Variants in EVPL observed in about 807,000 individuals in gnomAD.
The protein encoded by EVPL is 210 kDa cornified envelope precursor protein.
In EVPL, 94 loss-of-function variants were observed where a neutral mutation model predicts 129.7. The observed-to-expected ratio is 0.72, with a 90% CI of 0.61 to 0.86. The LOEUF (loss-of-function observed/expected upper bound fraction) is 0.86, where lower values mean the gene tolerates loss of function less well. Ranked by LOEUF, EVPL falls within the 40% of genes least tolerant of loss-of-function variation. EVPL has a pLI of 0.00. For missense variants in EVPL, 2,625 were observed against 2,721.1 expected (o/e 0.96, Z 0.79); for synonymous variants, 1,172 against 1,191.1 (o/e 0.98, Z 0.33).
chr17:76,012,496 T>G (rs1389636473), intron 18 of EVPL, among the ~76,000 whole-genome samples: 1 of 152,140 alleles, frequency 6.6e-6, no homozygotes, highest in Non-Finnish European at 1.5e-5. Flanking sequence ...GGTTTCGCCA[T>G]GTTGGCAAGG....
Position 76,022,597 on chromosome 17 carries a change from C to G in EVPL, c.481-59G>C. 1 of 1,536,438 alleles carries G rather than the reference C, an allele frequency of 6.5e-7. No individual in the cohort carries two copies. The highest frequency in any genetic ancestry group is 2.0e-5 in the Admixed American group (1 of 50,028). On this transcript the variant is annotated intron_variant, in intron 4 of 21. Coordinates refer to ENST00000301607, the MANE Select transcript of EVPL (RefSeq NM_001988.4). This position sits in a 1 kb window ranked among gnomAD's most constrained non-coding sequence, Gnocchi z 5.6. ...ACCGCGGTGGGGAGCCAGAGAACCC[C>G]ACACGCCTCCCACCCGGAGAAGTGG... is the stretch of plus-strand genomic sequence containing the variant.
At chr17:76,012,143 T>C in intron 18 of EVPL, 54 bp from the exon 19 acceptor site, 2 of 1,412,484 alleles carry the variant, frequency 1.4e-6, no homozygotes, top group Admixed American at 3.8e-5. Flanking sequence ...TCACCCTGAC[T>C]CTCCTCTAGC....
rs1248308602 is a variant in EVPL, at chr17:76,013,160, T to A, written c.2374-1071A>T. 6.6e-6 allele frequency among the ~76,000 whole-genome samples: 1 copy of A among 152,208 alleles called. No individual in the cohort carries two copies. Among genetic ancestry groups the A allele is most frequent in the Non-Finnish European group, 1.5e-5 (1 of 68,036 alleles). ...GCCCACTTTTATTCACCTGGGAACTTAATATACTGATGCTCTGACCACAAT... is the reference window on the plus strand; with the variant it reads ...GCCCACTTTTATTCACCTGGGAACTAAATATACTGATGCTCTGACCACAAT... On this transcript the variant is annotated intron_variant, in intron 18 of 21. Coordinates refer to ENST00000301607, the MANE Select transcript of EVPL (RefSeq NM_001988.4). This position sits in a 1 kb window ranked among gnomAD's most constrained non-coding sequence, Gnocchi z 4.3.
chr17:76,012,461 A>ATTTTTTTTTTTTTTTTTTTTTTTTTT (rs1567909873), intron 18 of EVPL, among the ~76,000 whole-genome samples: 2 of 152,070 alleles, frequency 1.3e-5, no homozygotes, highest in African/African-American at 4.8e-5. Context: ...TGCCAGGCTA[A>ATTTTTTTTTTTTTTTTTTTTTTTTTT]TTTTTATATT....
chr17:76,009,515 C>T lies in EVPL; in HGVS notation c.3690G>A (p.Glu1230=), dbSNP rs2066356414. Reference sequence around the variant, plus strand: ...CCAGGTCGGGCAGCAGCTTCTCCACCTCCTTCTCCACACCGCTCCTCTTGC... The same window carrying T: ...CCAGGTCGGGCAGCAGCTTCTCCACTTCCTTCTCCACACCGCTCCTCTTGC... ...MAGKRSGVEK[E]VEKLLPDLEV... The change falls in exon 22 of 22, where the codon GAG becomes GAA. Residue 1230 remains glutamate, a synonymous_variant. Coordinates refer to ENST00000301607, the MANE Select transcript of EVPL (RefSeq NM_001988.4). The surrounding 1 kb of genome is among the most constrained non-coding windows in gnomAD (Gnocchi z 5.9). 3 of 1,614,102 alleles carry T rather than the reference C, an allele frequency of 1.9e-6. No individual in the cohort carries two copies. The highest frequency in any genetic ancestry group is 4.5e-5 in the East Asian group (2 of 44,874).
rs748360819 is a variant in EVPL, at chr17:76,021,656, C to T, written c.915+18G>A. On this transcript the variant is annotated intron_variant, in intron 8 of 21. Coordinates refer to ENST00000301607, the MANE Select transcript of EVPL (RefSeq NM_001988.4). ...CGCCCACCACGTCCCTTCTCACTCT[C>T]GCCCTGCCCCAGCGCACCTGGATGG... 6 of 1,545,354 alleles carry T rather than the reference C, an allele frequency of 3.9e-6. No homozygotes were observed. In the East Asian group the frequency reaches 1.4e-4, roughly 37 times the overall value.
intron 14 of EVPL, among the ~76,000 whole-genome samples, chr17:76,016,841 G>T (rs1394624498): frequency 6.6e-6 from 1 of 152,072 alleles, no homozygotes; most frequent in African/African-American, 2.4e-5. Context: ...GGGAGGTGGA[G>T]GTTGCAGTGA....
At position 76,012,006 on chromosome 17, in the gene EVPL, C is replaced by G. The variant is rs1196480889; in HGVS notation, c.2457G>C (p.Gln819His). The change falls in exon 19 of 22, where the codon CAG becomes CAC. Residue 819 changes from glutamine to histidine, a missense_variant and splice_region_variant. Gln to His is a conservative substitution (Grantham distance 24, BLOSUM62 0). This residue lies in a region of EVPL where 1,024 missense variants were observed against 997.5 expected (regional missense o/e 1.03). Transcript: ENST00000301607. ...HLSQALQAAL[Q>H]DYELQADTYR... is the part of the protein sequence containing the mutation. Reference sequence around the variant, plus strand: ...GGCAAGCTGAAGGCAAGCTGCTTACCTGGAGCGCTGCCTGCAGGGCCTGGG... The same window carrying G: ...GGCAAGCTGAAGGCAAGCTGCTTACGTGGAGCGCTGCCTGCAGGGCCTGGG... 2 of 1,612,692 alleles carry G rather than the reference C, an allele frequency of 1.2e-6. No homozygotes were observed. Among genetic ancestry groups the G allele is most frequent in the Non-Finnish European group, 8.5e-7 (1 of 1,179,470 alleles).
rs777530307 is a variant in EVPL, at chr17:76,011,828, C to G, written c.2512G>C (p.Val838Leu). 1 of 1,613,158 alleles carries G rather than the reference C, an allele frequency of 6.2e-7. No homozygotes were observed. Among genetic ancestry groups the G allele is most frequent in the Non-Finnish European group, 8.5e-7 (1 of 1,179,724 alleles). ...ACTCGGGGTCTCTTGGGGGCTGACACTGCCAGGGTGGGCTCCAAAGAGCAG... is the reference window on the plus strand; with the variant it reads ...ACTCGGGGTCTCTTGGGGGCTGACAGTGCCAGGGTGGGCTCCAAAGAGCAG... ...YRCSLEPTLA[V>L]SAPKRPRVAP... Residue 838 changes from valine to leucine, a missense_variant, in exon 20 of 22, where the codon GTG (valine) becomes CTG (leucine). By Grantham distance (32) the Val-to-Leu change is conservative. This residue lies in a region of EVPL where 1,024 missense variants were observed against 997.5 expected (regional missense o/e 1.03). Transcript: ENST00000301607.
chr17:76,008,573 G>C lies in EVPL; in HGVS notation c.4632C>G (p.Asn1544Lys), dbSNP rs753917041. The change falls in exon 22 of 22, where the codon AAC becomes AAG. Residue 1544 changes from asparagine to lysine, a missense_variant. This residue lies in a region of EVPL where 1,453 missense variants were observed against 1,511.8 expected (regional missense o/e 0.96). Transcript: ENST00000301607. The surrounding 1 kb of genome is among the most constrained non-coding windows in gnomAD (Gnocchi z 7.4). ...GGGCCTGCCGGGCCGTGCGCTCCCT[G>C]TTGAGCATCTCCCACACGCGGGCCC... ...DERARVWEMLNRERTARQARE... is the reference protein window; with the variant it reads ...DERARVWEMLKRERTARQARE... The C allele has an allele frequency of 1.2e-6, 2 of 1,610,616 alleles. No homozygotes were observed. Among genetic ancestry groups the C allele is most frequent in the Admixed American group, 3.3e-5 (2 of 60,030 alleles).
At chr17:76,014,828 C>G in intron 17 of EVPL, 88 bp downstream of exon 17, 1 of 1,359,708 alleles carries the variant, frequency 7.4e-7, no homozygotes, top group Non-Finnish European at 9.9e-7. Flanking sequence ...GACGTGAAGT[C>G]ACTAGCCCAG....
At position 76,011,854 on chromosome 17, in the gene EVPL, C is replaced by T. The variant is rs139153330; in HGVS notation, c.2486G>A (p.Arg829His). 329 of 1,613,388 alleles carry T rather than the reference C, an allele frequency of 2.0e-4. No individual in the cohort carries two copies. In the African/African-American group the frequency reaches 3.5e-3, roughly 17 times the overall value. ...QDYELQADTY[R>H]CSLEPTLAVS... is the part of the protein sequence containing the mutation. ...TGCCAGGGTGGGCTCCAAAGAGCAG[C>T]GGTAGGTGTCTGCCTGGAGCTCATA... is the stretch of plus-strand genomic sequence containing the variant. The change falls in exon 20 of 22, where the codon CGC (arginine) becomes CAC (histidine). Residue 829 changes from arginine to histidine, a missense_variant. Physicochemically the swap from Arg to His is conservative, Grantham distance 29. Coordinates refer to ENST00000301607, the MANE Select transcript of EVPL (RefSeq NM_001988.4).
chr17:76,008,830 T>A lies in EVPL; in HGVS notation c.4375A>T (p.Lys1459Ter), dbSNP rs770036148. Residue 1459 changes from lysine (K) to a stop codon, truncating the protein, a stop_gained, in exon 22 of 22, where the codon AAG becomes TAG. Coordinates refer to ENST00000301607, the MANE Select transcript of EVPL (RefSeq NM_001988.4). LOFTEE classifies it low-confidence loss of function (END_TRUNC). The surrounding 1 kb of genome is among the most constrained non-coding windows in gnomAD (Gnocchi z 7.4). ...LEKRPPTVQE[K>*]IIMEEVVKLE... ...TTGACCACTTCCTCCATGATGATCT[T>A]CTCCTGCACCGTGGGAGGCCGCTTC... is the stretch of plus-strand genomic sequence containing the variant. 6.2e-7 allele frequency: 1 copy of A among 1,613,862 alleles called. No individual in the cohort carries two copies.
In EVPL at chr17:76,008,018, C is replaced by T. The variant is rs763230833; in HGVS notation, c.5187G>A (p.Ser1729=). 7.4e-6 allele frequency: 12 copies of T among 1,613,982 alleles called. No individual in the cohort carries two copies. Among genetic ancestry groups the T allele is most frequent in the East Asian group, 2.2e-5 (1 of 44,886 alleles). ...GCACAGACTCCTCCCCACAGGGCCC[C>T]GAGGTGGTGACCTCCTCCCAGTCAC... ...LECDWEEVTT[S]GPCGEESVLL... The change falls in exon 22 of 22, where the codon TCG becomes TCA. Residue 1729 remains serine, a synonymous_variant. Transcript: ENST00000301607. The surrounding 1 kb of genome is among the most constrained non-coding windows in gnomAD (Gnocchi z 7.4).
intron 18 of EVPL, 108 bp downstream of exon 18, chr17:76,014,318 G>T: frequency 7.1e-7 from 1 of 1,411,972 alleles, no homozygotes; most frequent in Non-Finnish European, 9.4e-7. Context: ...CCAGGGAAGG[G>T]GCCCAGGGCC....
At position 76,021,755 on chromosome 17, in the gene EVPL, G is replaced by A. The variant is rs148449976; in HGVS notation, c.834C>T (p.Ser278=). Residue 278 remains serine (S), a synonymous_variant, in exon 8 of 22, where the codon AGC becomes AGT. Coordinates refer to ENST00000301607, the MANE Select transcript of EVPL (RefSeq NM_001988.4). ...YEHFKQHELL[S]QEQSVNQLED... ...CCAGCTGGTTCACGCTCTGCTCCTG[G>A]CTCAGCAGCTCGTGCTGCTTGAAGT... The A allele has an allele frequency of 2.2e-3, 3,558 of 1,608,814 alleles. 46 individuals are homozygous for A. In the African/African-American group the frequency reaches 0.031, roughly 14 times the overall value.
Position 76,015,385 on chromosome 17 carries a change from G to C in EVPL, c.1890-20C>G. On this transcript the variant is annotated intron_variant, in intron 15 of 21. Coordinates refer to ENST00000301607, the MANE Select transcript of EVPL (RefSeq NM_001988.4). ...TTGGCTCTGCCGCAGAGGAGGCAAG[G>C]CTCAGACACTCCCTGGGCCACACGC... 1 of 1,602,898 alleles carries C rather than the reference G, an allele frequency of 6.2e-7. No homozygotes were observed. Among genetic ancestry groups the C allele is most frequent in the Non-Finnish European group, 8.5e-7 (1 of 1,175,664 alleles).
rs778598472 is a variant in EVPL, at chr17:76,022,203, A to G, written c.631T>C (p.Tyr211His). 1.1e-5 allele frequency: 17 copies of G among 1,612,976 alleles called. No individual in the cohort carries two copies. The East Asian group carries it at 2.5e-4, about 23-fold the overall frequency. Residue 211 changes from tyrosine (Y) to histidine (H), a missense_variant, in exon 6 of 22, where the codon TAC (tyrosine) becomes CAC (histidine). Tyr to His is a moderately conservative substitution (Grantham distance 83, BLOSUM62 2). Transcript: ENST00000301607. The surrounding 1 kb of genome is among the most constrained non-coding windows in gnomAD (Gnocchi z 5.6). ...GPDAATIRSQ[Y>H]RDLLKAASWR... Reference sequence around the variant, plus strand: ...CTCCTGCTCACCAGTAGGTCTCGGTATTGGCTCCGGATGGTGGCTGCATCC... The same window carrying G: ...CTCCTGCTCACCAGTAGGTCTCGGTGTTGGCTCCGGATGGTGGCTGCATCC...
At chr17:76,017,249 A>C (rs895075890) in intron 14 of EVPL, among the ~76,000 whole-genome samples, 1 of 152,172 alleles carries the variant, frequency 6.6e-6, no homozygotes, top group Non-Finnish European at 1.5e-5. Context: ...AGGATAACCC[A>C]GACTGCGGCC....
Sources: gnomAD v4.1 joint callset for allele counts (sites outside exome capture counted in the v4.1 genomes callset) on GRCh38, gnomAD v4.1.1 for gene constraint, gnomAD v4.1.1 regional missense constraint, Gnocchi (gnomAD v3.1) non-coding constraint, MANE v1.5 for transcripts, NCBI Gene and HGNC (gene_info 2026-07-23, HGNC 2026-07-21) for gene names.